TESMIN: variants seen among roughly 807,000 people sequenced by gnomAD.
TESMIN encodes the protein CXC domain containing 2.
TESMIN carries 34 observed loss-of-function variants against 47.4 expected under a neutral mutation model. That is an observed-to-expected ratio of 0.72 (90% CI 0.55 to 0.96). The LOEUF (loss-of-function observed/expected upper bound fraction) is 0.96, where lower values mean the gene tolerates loss of function less well. TESMIN is among the 40% of genes least tolerant of loss of function. TESMIN has a pLI of 0.00. For missense variants in TESMIN, 610 were observed against 637.2 expected (o/e 0.96, Z 0.46); for synonymous variants, 278 against 258.9 (o/e 1.07, Z -0.71).
chr11:68,711,028 TAGA>T lies in TESMIN; in HGVS notation c.1177_1179del (p.Ser393del). The T allele has an allele frequency of 1.2e-6, 2 of 1,610,188 alleles. No homozygotes were observed. The highest frequency in any genetic ancestry group is 1.3e-5 in the African/African-American group (1 of 74,858). Reference sequence around the variant, plus strand: ...TTTTTGCAACCAATGCATTTGCAAATAGAAGAACACATAATTTGGGCCTGGTAA... The same window carrying T: ...TTTTTGCAACCAATGCATTTGCAAATAGAACACATAATTTGGGCCTGGTAA... On this transcript the variant is annotated inframe_deletion, in exon 9 of 10. Coordinates refer to ENST00000255087, the MANE Select transcript of TESMIN (RefSeq NM_004923.3).
In TESMIN at chr11:68,747,266, G is replaced by A. The variant is rs181903660; in HGVS notation, c.572C>T (p.Ser191Leu). Residue 191 changes from serine to leucine, a missense_variant, in exon 3 of 10, where the codon TCG (serine) becomes TTG (leucine). Ser to Leu is a moderately radical substitution (Grantham distance 145, BLOSUM62 -2). Transcript: ENST00000255087. ...LAQESCCKFP[S>L]SQELEDASCC... is the part of the protein sequence containing the mutation. ...GGAGGCATCCTCTAGTTCCTGGGAC[G>A]ATGGGAACTTGCAACAGGATTCCTG... 12 of 1,614,044 alleles carry A rather than the reference G, an allele frequency of 7.4e-6. No homozygotes were observed. The highest frequency in any genetic ancestry group is 1.6e-4 in the Middle Eastern group (1 of 6,062).
intron 6 of TESMIN, among the ~76,000 whole-genome samples, chr11:68,730,165 C>T (rs533723508): frequency 3.3e-5 from 5 of 152,290 alleles, no homozygotes; most frequent in African/African-American, 1.2e-4. Context: ...AATGCTATTG[C>T]ACACTGATTG....
At chr11:68,711,881 T>C (rs528756520) in intron 8 of TESMIN, among the ~76,000 whole-genome samples, 2 of 152,340 alleles carry the variant, frequency 1.3e-5, no homozygotes, top group East Asian at 3.9e-4. Flanking sequence ...AGCCCCCTCT[T>C]GCCCCCTCAT....
chr11:68,716,382 A>G lies in TESMIN; in HGVS notation c.918-443T>C, dbSNP rs940428484. ...ACTTCTTCACCAGACCTTGACTTTG[A>G]GTGAAAACTAATGGGACCCAGAGGT... is the stretch of plus-strand genomic sequence containing the variant. On this transcript the variant is annotated intron_variant, in intron 6 of 9. Transcript: ENST00000255087. Among the ~76,000 whole-genome samples the G allele has an allele frequency of 3.9e-5, 6 of 152,344 alleles. No homozygotes were observed. The East Asian group carries it at 1.2e-3, about 29-fold the overall frequency.
In TESMIN at chr11:68,750,662, G is replaced by A; in HGVS notation, c.-2C>T. On this transcript the variant is annotated 5_prime_UTR_variant, in exon 2 of 10. Transcript: ENST00000255087. ...GCCCGGCAGAGGGCCCTCCTCCATGGCGCAGGGCGGCGGGGCGGGATGGCG... is the reference window on the plus strand; with the variant it reads ...GCCCGGCAGAGGGCCCTCCTCCATGACGCAGGGCGGCGGGGCGGGATGGCG... 6.6e-7 allele frequency: 1 copy of A among 1,513,954 alleles called. No homozygotes were observed. Among genetic ancestry groups the A allele is most frequent in the Non-Finnish European group, 8.8e-7 (1 of 1,130,160 alleles). The allele number at this position is 1,513,954 out of a possible 1,614,324, so 93.8% of individuals were successfully genotyped here. A position where few individuals can be genotyped will look rare whatever the true frequency, so the allele number is the denominator to read the frequency against.
At chr11:68,742,555 G>A (rs1299439884) in intron 4 of TESMIN, among the ~76,000 whole-genome samples, 161 bp from the exon 5 acceptor site, 2 of 152,192 alleles carry the variant, frequency 1.3e-5, no homozygotes, top group Non-Finnish European at 2.9e-5. Context: ...AACCTTTCAA[G>A]TCAGTATTTT....
At position 68,745,117 on chromosome 11, in the gene TESMIN, A is replaced by C; in HGVS notation, c.631-6T>G. ...CCTTTCAATTGGCATATCACCTAAA[A>C]TGAAAAAGAACAATCAGGTTTCATT... On this transcript the variant is annotated splice_region_variant and splice_polypyrimidine_tract_variant and intron_variant, in intron 3 of 9. Coordinates refer to ENST00000255087, the MANE Select transcript of TESMIN (RefSeq NM_004923.3). 1.1e-5 allele frequency: 17 copies of C among 1,576,494 alleles called. No homozygotes were observed. Among genetic ancestry groups the C allele is most frequent in the Non-Finnish European group, 1.5e-5 (17 of 1,170,748 alleles).
intron 6 of TESMIN, among the ~76,000 whole-genome samples, chr11:68,723,921 C>G (rs1040553763): frequency 6.6e-6 from 1 of 152,108 alleles, no homozygotes; most frequent in African/African-American, 2.4e-5. Flanking sequence ...CAGACCCAGA[C>G]AGTTTTTCAG....
rs774076551 is a variant in TESMIN, at chr11:68,708,386, C to A, written c.1449G>T (p.Met483Ile). The change falls in exon 10 of 10, where the codon ATG (methionine) becomes ATT (isoleucine). Residue 483 changes from methionine to isoleucine, a missense_variant. Met to Ile is a conservative substitution (Grantham distance 10, BLOSUM62 1). Coordinates refer to ENST00000255087, the MANE Select transcript of TESMIN (RefSeq NM_004923.3). ...EHCSKCLAEQ[M>I]ILEEFGRCLS... ...AGCACCTTCCAAATTCCTCCAGGAT[C>A]ATCTGCTCTGCCAGGCACTTGGAGC... 17 of 1,614,212 alleles carry A rather than the reference C, an allele frequency of 1.1e-5. No homozygotes were observed. The highest frequency in any genetic ancestry group is 1.4e-5 in the Non-Finnish European group (16 of 1,180,026).
At chr11:68,710,773 G>T in intron 9 of TESMIN, 101 bp downstream of exon 9, 1 of 1,189,730 alleles carries the variant, frequency 8.4e-7, no homozygotes, top group Non-Finnish European at 1.2e-6. Context: ...GCCCGCCCCT[G>T]CAGGCTCACA....
At chr11:68,709,680 G>A (rs189292736) in intron 9 of TESMIN, among the ~76,000 whole-genome samples, 26 of 152,274 alleles carry the variant, frequency 1.7e-4, no homozygotes, top group Admixed American at 1.5e-3. Flanking sequence ...GACAATACAC[G>A]ATGACTTTGG....
At chr11:68,725,202 T>C (rs191867852) in intron 6 of TESMIN, among the ~76,000 whole-genome samples, 6 of 152,292 alleles carry the variant, frequency 3.9e-5, no homozygotes, top group Admixed American at 3.3e-4. Context: ...GCACTGCAGA[T>C]ATCGTGGACT....
Position 68,738,792 on chromosome 11 carries a change from TTCAAAG to T in TESMIN, c.829-10_829-5del. 1.9e-6 allele frequency: 3 copies of T among 1,610,534 alleles called. No homozygotes were observed. Among genetic ancestry groups the T allele is most frequent in the Non-Finnish European group, 1.7e-6 (2 of 1,176,856 alleles). ...CCGATGGTAAGGCTCCCTCAAGCTG[TTCAAAG>T]TCAAAGGCAAGGATATTTTGAATTA... On this transcript the variant is annotated splice_region_variant and splice_polypyrimidine_tract_variant and intron_variant, in intron 5 of 9. Coordinates refer to ENST00000255087, the MANE Select transcript of TESMIN (RefSeq NM_004923.3).
chr11:68,741,689 C>T lies in TESMIN; in HGVS notation c.828+629G>A, dbSNP rs145595347. Among the ~76,000 whole-genome samples the T allele has an allele frequency of 1.5e-4, 23 of 152,232 alleles. No individual in the cohort carries two copies. The East Asian group carries it at 3.5e-3, about 23-fold the overall frequency. On this transcript the variant is annotated intron_variant, in intron 5 of 9. Coordinates refer to ENST00000255087, the MANE Select transcript of TESMIN (RefSeq NM_004923.3). ...CTGATTCTCATTTTACAGAGATGAA[C>T]GAGACACATATGGCCTCTGCCCCTA...
rs543039848 is a variant in TESMIN, at chr11:68,710,946, G to C, written c.1262C>G (p.Thr421Ser). 1.2e-6 allele frequency: 2 copies of C among 1,614,100 alleles called. No individual in the cohort carries two copies. ...GTAATGGCTGCCTTCCAAACCTCCAGTCTGCATGTAGTTTGGCATGCTCAT... is the reference window on the plus strand; with the variant it reads ...GTAATGGCTGCCTTCCAAACCTCCACTCTGCATGTAGTTTGGCATGCTCAT... ...TLMSMPNYMQ[T>S]GGLEGSHYLP... The change falls in exon 9 of 10, where the codon ACT becomes AGT. Residue 421 changes from threonine to serine, a missense_variant. Physicochemically the swap from Thr to Ser is moderately conservative, Grantham distance 58. Transcript: ENST00000255087.
intron 4 of TESMIN, 59 bp from the exon 5 acceptor site, chr11:68,742,453 C>A (rs1387592760): frequency 9.0e-7 from 1 of 1,116,616 alleles, no homozygotes; most frequent in Non-Finnish European, 1.3e-6. Flanking sequence ...TCCACTTACA[C>A]GTGGATGAAA....
intron 8 of TESMIN, 139 bp downstream of exon 8, chr11:68,713,131 G>T: frequency 6.0e-6 from 5 of 834,386 alleles, no homozygotes; most frequent in Non-Finnish European, 8.7e-6. Context: ...ATTGATGTAA[G>T]TGTCCTTCTA....
chr11:68,713,783 C>G (rs775798029), intron 7 of TESMIN, among the ~76,000 whole-genome samples: 5 of 152,202 alleles, frequency 3.3e-5, no homozygotes, highest in African/African-American at 4.8e-5. Context: ...GCAGCTCACA[C>G]TGCCTGATCA....
intron 9 of TESMIN, among the ~76,000 whole-genome samples, 159 bp from the exon 10 acceptor site, chr11:68,708,659 G>A (rs1594282085): frequency 6.6e-6 from 1 of 152,334 alleles, no homozygotes. Context: ...CTATTAGGCT[G>A]GGCACAGTGG....
Sources: allele counts gnomAD v4.1 joint callset (sites outside exome capture counted in the v4.1 genomes callset), GRCh38; gene constraint gnomAD v4.1.1; transcripts MANE v1.5; gene names NCBI Gene and HGNC (gene_info 2026-07-23, HGNC 2026-07-21).